Variants in DDX60L observed in about 807,000 individuals in gnomAD.
DDX60L encodes the protein probable ATP-dependent RNA helicase DDX60-like.
Under a neutral mutation model 211.6 loss-of-function variants are expected in DDX60L, and 191 were observed. The ratio of observed to expected loss-of-function variants is 0.90; its 90% CI spans 0.80 to 1.02. The LOEUF is 1.02. Among genes scored for constraint, DDX60L ranks in the 50% least tolerant of loss-of-function variants. The pLI is 0.00. For synonymous variants in DDX60L, 706 were observed against 694.1 expected (o/e 1.02, Z -0.27); for missense variants, 2,007 against 1,984.1 (o/e 1.01, Z -0.22).
chr4:168,430,837 A>G (rs750708065), intron 12 of DDX60L, among the ~76,000 whole-genome samples, 199 bp from the exon 13 acceptor site: 5 of 152,178 alleles, frequency 3.3e-5, no homozygotes, highest in African/African-American at 9.7e-5. Context: ...GTCCGGGTCT[A>G]AGTACCTGGA....
Position 168,467,308 on chromosome 4 carries a change from C to G in DDX60L, c.264+4439G>C, listed in dbSNP as rs371464876. ...CCTGTAGTCCCAGCTACTCAGGAGG[C>G]TGAGGTGGGAGGTTCACTTGAGCCC... On this transcript the variant is annotated intron_variant, in intron 4 of 37. Coordinates refer to ENST00000682922, the MANE Select transcript of DDX60L (RefSeq NM_001012967.3). Among the ~76,000 whole-genome samples the G allele has an allele frequency of 1.5e-4, 23 of 152,046 alleles. No individual in the cohort carries two copies. The East Asian group carries it at 3.3e-3, about 22-fold the overall frequency.
intron 25 of DDX60L, among the ~76,000 whole-genome samples, chr4:168,402,911 T>G (rs1244965539): frequency 6.6e-6 from 1 of 152,236 alleles, no homozygotes. Context: ...AAATGTCTAT[T>G]TTTAAAAATA....
At chr4:168,449,399 G>A (rs1755321704) in intron 8 of DDX60L, among the ~76,000 whole-genome samples, 1 of 132,068 alleles carries the variant, frequency 7.6e-6, no homozygotes, top group Admixed American at 8.0e-5. Context: ...CTCACTCATA[G>A]GTGGGAATTG....
intron 34 of DDX60L, among the ~76,000 whole-genome samples, chr4:168,375,033 A>C (rs1476657385): frequency 6.6e-6 from 1 of 152,214 alleles, no homozygotes; most frequent in Non-Finnish European, 1.5e-5. Flanking sequence ...GCCAGAAATT[A>C]TGCCGTTTTC....
At position 168,373,653 on chromosome 4, in the gene DDX60L, A is replaced by G; in HGVS notation, c.4776+13T>C. On this transcript the variant is annotated intron_variant, in intron 35 of 37. Coordinates refer to ENST00000682922, the MANE Select transcript of DDX60L (RefSeq NM_001012967.3). ...TAAACACATTTTGTACATAAGATGT[A>G]TCCTTCACTTACCTGGTTGATAGTC... is the stretch of plus-strand genomic sequence containing the variant. 4 of 1,611,892 alleles carry G rather than the reference A, an allele frequency of 2.5e-6. No individual in the cohort carries two copies. The highest frequency in any genetic ancestry group is 3.4e-6 in the Non-Finnish European group (4 of 1,178,594).
intron 26 of DDX60L, 134 bp downstream of exon 26, chr4:168,400,692 T>C (rs1746641464): frequency 1.4e-6 from 1 of 717,548 alleles, no homozygotes; most frequent in Non-Finnish European, 2.2e-6. Flanking sequence ...CACCCAAATT[T>C]ACTCTATTTG....
At position 168,357,088 on chromosome 4, in the gene DDX60L, A is replaced by C. The variant is rs1008791366; in HGVS notation, c.*1059T>G. On this transcript the variant is annotated 3_prime_UTR_variant, in exon 38 of 38. Transcript: ENST00000682922. ...TTTGTATGCTTGTTTTTTAAGTATG[A>C]TACTGAGGGCAGAAACAATCTGAAT... 10 of 152,094 alleles carry C rather than the reference A, an allele frequency of 6.6e-5. No individual in the cohort carries two copies. The highest frequency in any genetic ancestry group is 1.2e-4 in the Non-Finnish European group (8 of 68,020). The allele number at this position is 152,094 out of a possible 1,614,324, so 9.4% of individuals were successfully genotyped here.
At chr4:168,393,667 C>G (rs1017432241) in intron 28 of DDX60L, among the ~76,000 whole-genome samples, 4 of 152,176 alleles carry the variant, frequency 2.6e-5, no homozygotes, top group Non-Finnish European at 5.9e-5. Context: ...TGTCCTTACC[C>G]TCTTCCAAGT....
intron 26 of DDX60L, among the ~76,000 whole-genome samples, chr4:168,400,286 T>C (rs1470543440): frequency 6.6e-6 from 1 of 152,214 alleles, no homozygotes; most frequent in Non-Finnish European, 1.5e-5. Flanking sequence ...TCTAGGTTGA[T>C]TCCATGTCTT....
chr4:168,449,670 A>AAAAAAAAAAT (rs1755489199), intron 8 of DDX60L, among the ~76,000 whole-genome samples: 1 of 145,864 alleles, frequency 6.9e-6, no homozygotes. Context: ...AAAAAAGAAA[A>AAAAAAAAAAT]AAGAAAAAAA....
At chr4:168,457,831 G>T in intron 6 of DDX60L, 61 bp downstream of exon 6, 2 of 1,068,574 alleles carry the variant, frequency 1.9e-6, no homozygotes, top group Non-Finnish European at 2.7e-6. Flanking sequence ...CTAATCACAA[G>T]TTCATTCTCA....
chr4:168,427,431 T>C (rs1388021944), intron 13 of DDX60L, 109 bp from the exon 14 acceptor site: 6 of 1,224,616 alleles, frequency 4.9e-6, no homozygotes, highest in Non-Finnish European at 6.8e-6. Context: ...GCCATCATTC[T>C]ACTCGTGCAC....
chr4:168,467,621 T>C (rs544753443), intron 4 of DDX60L, among the ~76,000 whole-genome samples: 90 of 152,158 alleles, frequency 5.9e-4, no homozygotes, highest in African/African-American at 2.0e-3. Context: ...TGACACAAGA[T>C]AAAACAGAAA....
chr4:168,461,628 A>G, intron 5 of DDX60L, 71 bp downstream of exon 5: 3 of 1,076,318 alleles, frequency 2.8e-6, no homozygotes, highest in Non-Finnish European at 3.9e-6. Context: ...ATACAGAAAG[A>G]ATATTGAGTT....
chr4:168,359,701 G>C (rs1003090662), intron 37 of DDX60L, among the ~76,000 whole-genome samples: 1 of 152,106 alleles, frequency 6.6e-6, no homozygotes, highest in Non-Finnish European at 1.5e-5. Context: ...TCTACCATTT[G>C]TCTCACCTTT....
At chr4:168,457,011 G>T (rs1233298764) in intron 6 of DDX60L, among the ~76,000 whole-genome samples, 3 of 133,796 alleles carry the variant, frequency 2.2e-5, no homozygotes, top group Non-Finnish European at 5.1e-5. Flanking sequence ...AGGAGTTCAA[G>T]ACCAGCCTGG....
chr4:168,408,973 A>G (rs1748215115), intron 22 of DDX60L, among the ~76,000 whole-genome samples: 1 of 152,218 alleles, frequency 6.6e-6, no homozygotes, highest in Non-Finnish European at 1.5e-5. Flanking sequence ...TGTTGCTTCA[A>G]TGTATTCTGC....
At position 168,416,811 on chromosome 4, in the gene DDX60L, A is replaced by G. The variant is rs767036589; in HGVS notation, c.2611-14T>C. On this transcript the variant is annotated splice_polypyrimidine_tract_variant and intron_variant, in intron 19 of 37. Transcript: ENST00000682922. ...AAGATAATGGACCTAGTAAAGAAAAAAAAATCAGTTGAAAAGTTGATGTCA... is the reference window on the plus strand; with the variant it reads ...AAGATAATGGACCTAGTAAAGAAAAGAAAATCAGTTGAAAAGTTGATGTCA... 20 of 1,422,940 alleles carry G rather than the reference A, an allele frequency of 1.4e-5. No individual in the cohort carries two copies. The South Asian group carries it at 2.1e-4, about 15-fold the overall frequency. 88.1% of individuals were successfully genotyped at this position (1,422,940 alleles called of 1,614,324 possible).
chr4:168,449,637 C>CAAAAAAAAAATGAAAAAA (rs1755407799), intron 8 of DDX60L, among the ~76,000 whole-genome samples: 1 of 44,842 alleles, frequency 2.2e-5, no homozygotes, highest in Non-Finnish European at 3.7e-5. Context: ...AACATTAAAA[C>CAAAAAAAAAATGAAAAAA]AAAAAAAAAA....
Sources: allele counts gnomAD v4.1 joint callset (sites outside exome capture counted in the v4.1 genomes callset), GRCh38; gene constraint gnomAD v4.1.1; transcripts MANE v1.5; gene names NCBI Gene and HGNC (gene_info 2026-07-23, HGNC 2026-07-21).